Variants in QTRT2 observed in about 807,000 individuals in gnomAD.
The protein encoded by QTRT2 is queuine tRNA-ribosyltransferase accessory subunit 2, also known as queuine tRNA-ribosyltransferase domain containing 1.
A neutral mutation model predicts 44.8 loss-of-function variants in QTRT2; 32 were observed. That is an observed-to-expected ratio of 0.71 (90% CI 0.54 to 0.96). QTRT2 has a LOEUF of 0.96. Among genes scored for constraint, QTRT2 ranks in the 40% least tolerant of loss-of-function variants. The pLI is 0.00. For missense variants in QTRT2, 461 were observed against 503.1 expected (o/e 0.92, Z 0.80); for synonymous variants, 182 against 187.4 (o/e 0.97, Z 0.24).
At chr3:114,068,277 TTCATTGTTGC>T in intron 5 of QTRT2, 1 of 404,122 alleles carries the variant, frequency 2.5e-6, no homozygotes, top group Non-Finnish European at 4.6e-6. Context: ...CCTCAGCATT[TTCATTGTTGC>T]AAAAAAATTT....
Position 114,070,851 on chromosome 3 carries a change from C to T in QTRT2, c.546+13C>T. On this transcript the variant is annotated intron_variant, in intron 6 of 9. Transcript: ENST00000281273. ...GGAAGAGTCAGAGGTAAGGCTGTGC[C>T]ACTAACCACTCCTTTCTCTTGACAC... 6.2e-7 allele frequency: 1 copy of T among 1,606,444 alleles called. No homozygotes were observed. Among genetic ancestry groups the T allele is most frequent in the South Asian group, 1.1e-5 (1 of 90,736 alleles).
chr3:114,067,330 C>CT (rs909708979), intron 4 of QTRT2, among the ~76,000 whole-genome samples: 4 of 151,852 alleles, frequency 2.6e-5, no homozygotes, highest in South Asian at 2.1e-4. Flanking sequence ...TTTACACTTG[C>CT]TTTTTTTTCA....
Position 114,088,252 on chromosome 3 carries a change from CT to C in QTRT2, c.*2353del, listed in dbSNP as rs1190041018. 6.6e-6 allele frequency: 1 copy of C among 152,132 alleles called. No homozygotes were observed. The allele number at this position is 152,132 out of a possible 1,614,324, so 9.4% of individuals were successfully genotyped here. ...TCCAATATCGTTCAGTTTCCTGGGTCTTTTTCTTATTAGCACATTTGAGAAA... is the reference window on the plus strand; with the variant it reads ...TCCAATATCGTTCAGTTTCCTGGGTCTTTTCTTATTAGCACATTTGAGAAA... On this transcript the variant is annotated 3_prime_UTR_variant, in exon 10 of 10. Transcript: ENST00000281273.
chr3:114,065,160 A>AT (rs34428541), intron 2 of QTRT2, 77 bp from the exon 3 acceptor site: 225,497 of 768,266 alleles, frequency 0.29, 9,213 homozygotes, highest in Middle Eastern at 0.38. Flanking sequence ...TTTCCTGAAG[A>AT]TTTTTTTTTT....
chr3:114,065,172 T>G, intron 2 of QTRT2, 65 bp from the exon 3 acceptor site: 1 of 1,112,184 alleles, frequency 9.0e-7, no homozygotes, highest in Non-Finnish European at 1.3e-6. Context: ...TTTTTTTTTT[T>G]GCAAAATGCT....
intron 9 of QTRT2, 152 bp downstream of exon 9, chr3:114,082,946 C>T: frequency 1.6e-6 from 1 of 623,810 alleles, no homozygotes; most frequent in Non-Finnish European, 2.9e-6. Context: ...TTCAAAAAAA[C>T]TCTTTATTTT....
At chr3:114,067,839 T>G (rs891789769) in intron 4 of QTRT2, 148 bp from the exon 5 acceptor site, 52 of 609,120 alleles carry the variant, frequency 8.5e-5, no homozygotes, top group African/African-American at 7.6e-4. Context: ...TTGATAGGCC[T>G]TCTCTAATTC....
chr3:114,060,517 T>TAGAA (rs2076869299), intron 2 of QTRT2, among the ~76,000 whole-genome samples: 1 of 95,566 alleles, frequency 1.0e-5, no homozygotes, highest in African/African-American at 3.2e-5. Context: ...GATAGATAGA[T>TAGAA]AGATAGATAG....
intron 2 of QTRT2, among the ~76,000 whole-genome samples, chr3:114,064,690 G>T (rs1055725976): frequency 6.6e-6 from 1 of 152,028 alleles, no homozygotes; most frequent in African/African-American, 2.4e-5. Flanking sequence ...GAAATAATCC[G>T]ACCTCAGAGA....
intron 9 of QTRT2, among the ~76,000 whole-genome samples, chr3:114,084,060 CTTTT>C (rs36088762): frequency 6.7e-5 from 9 of 134,760 alleles, no homozygotes; most frequent in Middle Eastern, 3.6e-3. Context: ...TCACTTTTTT[CTTTT>C]TTTTTTTTTT....
At chr3:114,061,825 A>G (rs1368259935) in intron 2 of QTRT2, among the ~76,000 whole-genome samples, 1 of 152,026 alleles carries the variant, frequency 6.6e-6, no homozygotes. Context: ...CGATCTGCCC[A>G]CCTTGGCCTC....
intron 4 of QTRT2, 22 bp from the exon 5 acceptor site, chr3:114,067,965 G>A: frequency 6.2e-7 from 1 of 1,610,692 alleles, no homozygotes; most frequent in Admixed American, 1.7e-5. Flanking sequence ...ACTTTCAAGG[G>A]TTCTTTTTTG....
chr3:114,057,889 AAAG>A (rs1447382780), intron 2 of QTRT2, among the ~76,000 whole-genome samples: 7 of 152,202 alleles, frequency 4.6e-5, no homozygotes, highest in East Asian at 1.9e-4. Flanking sequence ...GAGAAAGGGA[AAAG>A]AAGAAGAACA....
chr3:114,085,781 C>T lies in QTRT2; in HGVS notation c.1125C>T (p.Ala375=), dbSNP rs371264823. Residue 375 remains alanine, a synonymous_variant, in exon 10 of 10, where the codon GCC becomes GCT. Transcript: ENST00000281273. ...HHLLVTNELL[A]GVLLMMHNFE... The stretch of plus-strand genomic sequence containing the variant: ...TGCTGGTGACCAATGAGCTGCTGGC[C>T]GGAGTCCTGCTTATGATGCACAACT... 27 of 1,614,018 alleles carry T rather than the reference C, an allele frequency of 1.7e-5. No homozygotes were observed. Among genetic ancestry groups the T allele is most frequent in the East Asian group, 1.1e-4 (5 of 44,902 alleles).
chr3:114,077,023 T>C lies in QTRT2; in HGVS notation c.746+81T>C, dbSNP rs143869152. The C allele has an allele frequency of 1.3e-3, 1,664 of 1,299,430 alleles. 24 individuals carry two copies. The East Asian group carries it at 0.017, about 14-fold the overall frequency. 80.5% of individuals were successfully genotyped at this position (1,299,430 alleles called of 1,614,324 possible). On this transcript the variant is annotated intron_variant, in intron 7 of 9. Coordinates refer to ENST00000281273, the MANE Select transcript of QTRT2 (RefSeq NM_024638.4). ...GGCCGATTGTATATTAAATAGTGTCTGTGCATAGGCATGCCTTTGATGTTT... is the reference window on the plus strand; with the variant it reads ...GGCCGATTGTATATTAAATAGTGTCCGTGCATAGGCATGCCTTTGATGTTT...
rs1279938603 is a variant in QTRT2, at chr3:114,085,836, A to C, written c.1180A>C (p.Ile394Leu). The C allele has an allele frequency of 1.9e-6, 3 of 1,614,018 alleles. No individual in the cohort carries two copies. The highest frequency in any genetic ancestry group is 2.5e-6 in the Non-Finnish European group (3 of 1,180,034). The change falls in exon 10 of 10, where the codon ATC becomes CTC. Residue 394 changes from isoleucine to leucine, a missense_variant. Ile to Leu is a conservative substitution (Grantham distance 5, BLOSUM62 2). Coordinates refer to ENST00000281273, the MANE Select transcript of QTRT2 (RefSeq NM_024638.4). ...FEHYFGFFHY[I>L]REALKSDKLA... ...ACACTACTTTGGGTTTTTCCATTAC[A>C]TCCGGGAAGCACTAAAAAGTGACAA...
chr3:114,066,514 T>C, intron 4 of QTRT2: 1 of 503,932 alleles, frequency 2.0e-6, no homozygotes, highest in South Asian at 2.3e-5. Flanking sequence ...CTAGTAAAAA[T>C]TGTGGTTACT....
At chr3:114,069,664 A>T (rs1228609208) in intron 5 of QTRT2, among the ~76,000 whole-genome samples, 4 of 152,074 alleles carry the variant, frequency 2.6e-5, no homozygotes, top group African/African-American at 9.7e-5. Flanking sequence ...ATTTAGGTTG[A>T]TTGCATGTCT....
intron 2 of QTRT2, 48 bp downstream of exon 2, chr3:114,057,154 G>A: frequency 2.9e-6 from 3 of 1,045,726 alleles, no homozygotes; most frequent in Non-Finnish European, 2.5e-6. Context: ...TGGGAGGGTG[G>A]GACCGTCTTC....
Sources: gnomAD v4.1 joint callset for allele counts (sites outside exome capture counted in the v4.1 genomes callset) on GRCh38, gnomAD v4.1.1 for gene constraint, MANE v1.5 for transcripts, NCBI Gene and HGNC (gene_info 2026-07-23, HGNC 2026-07-21) for gene names.